RND2: variants seen among roughly 807,000 people sequenced by gnomAD.
The protein encoded by RND2 is rho-related GTP-binding protein RhoN.
Under a neutral mutation model 25.9 loss-of-function variants are expected in RND2, and 16 were observed. The ratio of observed to expected loss-of-function variants is 0.62; its 90% CI spans 0.42 to 0.94. The LOEUF (loss-of-function observed/expected upper bound fraction) is 0.94, where lower values mean the gene tolerates loss of function less well. Ranked by LOEUF, RND2 falls within the 40% of genes least tolerant of loss-of-function variation. The pLI, the probability that RND2 is intolerant of heterozygous loss-of-function variation, is 0.00. For synonymous variants in RND2, 97 were observed against 118.1 expected, an observed-to-expected ratio of 0.82 and a Z score of 1.16; for missense variants, 276 against 305.5, an observed-to-expected ratio of 0.90 and a Z score of 0.72.
At chr17:43,025,845 C>A in intron 1 of RND2, 115 bp from the exon 2 acceptor site, 2 of 492,546 alleles carry the variant, frequency 4.1e-6, no homozygotes, top group Non-Finnish European at 7.2e-6. Flanking sequence ...TTGCCCAATC[C>A]CAGACCAACT....
chr17:43,028,967 T>G lies in RND2; in HGVS notation c.*287T>G. The stretch of plus-strand genomic sequence containing the variant: ...GGAAGCTGGTATCAAATGGTGACCT[T>G]GGTGGAGTCTCCTATGTGAAGAGTA... On this transcript the variant is annotated 3_prime_UTR_variant, in exon 5 of 5. Coordinates refer to ENST00000587250, the MANE Select transcript of RND2 (RefSeq NM_005440.5). 2.2e-6 allele frequency: 1 copy of G among 449,470 alleles called. No homozygotes were observed. The highest frequency in any genetic ancestry group is 4.1e-6 in the Non-Finnish European group (1 of 242,944). 27.8% of individuals were successfully genotyped at this position (449,470 alleles called of 1,614,324 possible). A position where few individuals can be genotyped will look rare whatever the true frequency, so the allele number is the denominator to read the frequency against.
Position 43,026,034 on chromosome 17 carries a change from G to A in RND2, c.177G>A (p.Met59Ile). 1 of 1,609,792 alleles carries A rather than the reference G, an allele frequency of 6.2e-7. No individual in the cohort carries two copies. Among genetic ancestry groups the A allele is most frequent in the South Asian group, 1.1e-5 (1 of 91,028 alleles). Residue 59 changes from methionine (M) to isoleucine (I), a missense_variant, in exon 2 of 5, where the codon ATG becomes ATA. By Grantham distance (10) the Met-to-Ile change is conservative. Transcript: ENST00000587250. ...ACAAGCGCCGCATTGAGCTCAACAT[G>A]TGGGACACTTCAGGTAGCCAAGTCC... ...EIDKRRIELN[M>I]WDTSGSSYYD...
rs1054789719 is a variant in RND2, at chr17:43,031,774, A to C, written c.*3094A>C. On this transcript the variant is annotated 3_prime_UTR_variant, in exon 5 of 5. Transcript: ENST00000587250. ...GAATGGATTTTTGGTCCCTTTCTGC[A>C]GGTCTGGGTTGCCAGACGTTTTATT... 3.3e-5 allele frequency: 5 copies of C among 152,192 alleles called. No individual in the cohort carries two copies. Among genetic ancestry groups the C allele is most frequent in the African/African-American group, 1.2e-4 (5 of 41,452 alleles). The allele number at this position is 152,192 out of a possible 1,614,324, so 9.4% of individuals were successfully genotyped here.
At position 43,027,213 on chromosome 17, in the gene RND2, T is replaced by A. The variant is rs779190989; in HGVS notation, c.221T>A (p.Leu74Gln). Residue 74 changes from leucine (L) to glutamine (Q), a missense_variant, in exon 3 of 5, where the codon CTG becomes CAG. Transcript: ENST00000587250. ...TCTTACTATGATAATGTCCGGCCTC[T>A]GGCCTATCCTGATTCTGATGCTGTG... ...GSSYYDNVRP[L>Q]AYPDSDAVLI... is the part of the protein sequence containing the mutation. 1.1e-5 allele frequency: 17 copies of A among 1,609,868 alleles called. No homozygotes were observed. The African/African-American group carries it at 2.0e-4, about 19-fold the overall frequency.
Position 43,031,806 on chromosome 17 carries a change from G to C in RND2, c.*3126G>C, listed in dbSNP as rs967375104. On this transcript the variant is annotated 3_prime_UTR_variant, in exon 5 of 5. Transcript: ENST00000587250. The stretch of plus-strand genomic sequence containing the variant: ...GGTTGCCAGACGTTTTATTTCTGGG[G>C]AGGAGGGCTCTGGGCTGAGGAGCTC... 6.6e-6 allele frequency: 1 copy of C among 152,144 alleles called. No homozygotes were observed. The highest frequency in any genetic ancestry group is 1.5e-5 in the Non-Finnish European group (1 of 68,084). 9.4% of individuals were successfully genotyped at this position (152,144 alleles called of 1,614,324 possible).
chr17:43,030,345 C>A lies in RND2; in HGVS notation c.*1665C>A, dbSNP rs1330474335. 6.5e-6 allele frequency: 1 copy of A among 152,796 alleles called. No individual in the cohort carries two copies. The highest frequency in any genetic ancestry group is 1.5e-5 in the Non-Finnish European group (1 of 68,138). 9.5% of individuals were successfully genotyped at this position (152,796 alleles called of 1,614,324 possible). On this transcript the variant is annotated 3_prime_UTR_variant, in exon 5 of 5. Transcript: ENST00000587250. The stretch of plus-strand genomic sequence containing the variant: ...CACTGGAAGAGAACACTGACCTTAC[C>A]CAACTATCTGCTGGGATCCCACCCA...
Position 43,031,259 on chromosome 17 carries a change from C to T in RND2, c.*2579C>T, listed in dbSNP as rs2050670200. 6.6e-6 allele frequency: 1 copy of T among 152,214 alleles called. No individual in the cohort carries two copies. The highest frequency in any genetic ancestry group is 1.5e-5 in the Non-Finnish European group (1 of 68,030). 9.4% of individuals were successfully genotyped at this position (152,214 alleles called of 1,614,324 possible). A position where few individuals can be genotyped will look rare whatever the true frequency, so the allele number is the denominator to read the frequency against. ...CCCTATCCCAACCTCTCCTATGGGA[C>T]TAGTTCATCTCAGCCAGTCTCAAAG... On this transcript the variant is annotated 3_prime_UTR_variant, in exon 5 of 5. Transcript: ENST00000587250.
At chr17:43,026,180 C>T (rs2151974102) in intron 2 of RND2, 133 bp downstream of exon 2, 1 of 589,028 alleles carries the variant, frequency 1.7e-6, no homozygotes, top group East Asian at 2.8e-5. Context: ...AATCAATATT[C>T]TGCTAAAATC....
intron 1 of RND2, 107 bp downstream of exon 1, chr17:43,025,556 G>C (rs563493875): frequency 2.8e-6 from 4 of 1,441,752 alleles, no homozygotes; most frequent in African/African-American, 1.4e-5. Flanking sequence ...AGGGACAAGA[G>C]ACAGGGGGTC....
rs201422969 is a variant in RND2 at position 43,025,916 on chromosome 17, G to A, written c.103-44G>A. 3,424 of 1,460,232 alleles carry A rather than the reference G, an allele frequency of 2.3e-3. 3 individuals are homozygous for A. The highest frequency in any genetic ancestry group is 3.0e-3 in the Non-Finnish European group (3,096 of 1,043,058). 90.5% of individuals were successfully genotyped at this position (1,460,232 alleles called of 1,614,324 possible). On this transcript the variant is annotated intron_variant, in intron 1 of 4. Transcript: ENST00000587250. ...TGAGGAGGGCATTTATCTGGGGTGA[G>A]GACTTGGAGAGATGATCTCATCTGG...
chr17:43,027,494 A>G (rs2050633081), intron 3 of RND2, among the ~76,000 whole-genome samples: 1 of 152,118 alleles, frequency 6.6e-6, no homozygotes, highest in Admixed American at 6.5e-5. Flanking sequence ...TCAGAGCTGG[A>G]TACAGCAGCT....
Position 43,026,020 on chromosome 17 carries a change from A to AT in RND2, c.165dup (p.Glu56Ter). On this transcript the variant is annotated frameshift_variant, in exon 2 of 5. Transcript: ENST00000587250. LOFTEE classifies it high-confidence loss of function. ...GAGCTTTGAGATCGACAAGCGCCGC[A>AT]TTGAGCTCAACATGTGGGACACTTC... is the stretch of plus-strand genomic sequence containing the variant. 1 of 1,612,798 alleles carries AT rather than the reference A, an allele frequency of 6.2e-7. No individual in the cohort carries two copies. The highest frequency in any genetic ancestry group is 8.5e-7 in the Non-Finnish European group (1 of 1,179,032).
rs1261009683 is a variant in RND2 at position 43,028,897 on chromosome 17, G to A, written c.*217G>A. On this transcript the variant is annotated 3_prime_UTR_variant, in exon 5 of 5. Coordinates refer to ENST00000587250, the MANE Select transcript of RND2 (RefSeq NM_005440.5). ...AGTGGATGTTGAGGGAGCTAACAGG[G>A]CTGGCATCTGGGGCATGAACTGGGA... 7.3e-6 allele frequency: 5 copies of A among 680,852 alleles called. No individual in the cohort carries two copies. The East Asian group carries it at 1.2e-4, about 16-fold the overall frequency. The allele number at this position is 680,852 out of a possible 1,614,324, so 42.2% of individuals were successfully genotyped here. A position where few individuals can be genotyped will look rare whatever the true frequency, so the allele number is the denominator to read the frequency against.
chr17:43,028,057 A>T lies in RND2; in HGVS notation c.301-4A>T, dbSNP rs995600291. 1 of 1,612,944 alleles carries T rather than the reference A, an allele frequency of 6.2e-7. No homozygotes were observed. Among genetic ancestry groups the T allele is most frequent in the East Asian group, 2.2e-5 (1 of 44,822 alleles). On this transcript the variant is annotated splice_polypyrimidine_tract_variant and splice_region_variant and intron_variant, in intron 3 of 4. Transcript: ENST00000587250. Reference sequence around the variant, plus strand: ...CCACAATTCTCTTTTCTTCTCCTACATAGTGGCAAGGAGAGACTCAAGAGT... The same window carrying T: ...CCACAATTCTCTTTTCTTCTCCTACTTAGTGGCAAGGAGAGACTCAAGAGT...
Position 43,025,278 on chromosome 17 carries a change from C to G in RND2, c.-70C>G. On this transcript the variant is annotated 5_prime_UTR_variant, in exon 1 of 5. Coordinates refer to ENST00000587250, the MANE Select transcript of RND2 (RefSeq NM_005440.5). ...TTGGCGGCCCGAGCGGCTGCAGTTGCAGGGGCGGGGGAGGCGGCGGCGGGG... is the reference window on the plus strand; with the variant it reads ...TTGGCGGCCCGAGCGGCTGCAGTTGGAGGGGCGGGGGAGGCGGCGGCGGGG... 1 of 1,336,154 alleles carries G rather than the reference C, an allele frequency of 7.5e-7. No homozygotes were observed. Among genetic ancestry groups the G allele is most frequent in the Non-Finnish European group, 9.8e-7 (1 of 1,023,810 alleles). 82.8% of individuals were successfully genotyped at this position (1,336,154 alleles called of 1,614,324 possible).
In RND2 at chr17:43,027,261, G is replaced by T. The variant is rs61756315; in HGVS notation, c.269G>T (p.Arg90Leu). ...GTGCTCATCTGCTTCGACATTAGCC[G>T]ACCAGAAACACTGGACAGTGTTCTC... Reference protein sequence around the residue: ...DAVLICFDISRPETLDSVLKK... With the variant: ...DAVLICFDISLPETLDSVLKK... Residue 90 changes from arginine to leucine, a missense_variant, in exon 3 of 5, where the codon CGA becomes CTA. Coordinates refer to ENST00000587250, the MANE Select transcript of RND2 (RefSeq NM_005440.5). The T allele has an allele frequency of 1.9e-6, 3 of 1,612,502 alleles. No homozygotes were observed. The highest frequency in any genetic ancestry group is 1.1e-5 in the South Asian group (1 of 90,826).
In RND2 at chr17:43,031,757, T is replaced by A. The variant is rs1003324077; in HGVS notation, c.*3077T>A. On this transcript the variant is annotated 3_prime_UTR_variant, in exon 5 of 5. Transcript: ENST00000587250. ...ATTTTCAATACCACCAGGAATGGAT[T>A]TTTGGTCCCTTTCTGCAGGTCTGGG... 1.3e-5 allele frequency: 2 copies of A among 152,068 alleles called. No individual in the cohort carries two copies. The highest frequency in any genetic ancestry group is 4.8e-5 in the African/African-American group (2 of 41,392). The allele number at this position is 152,068 out of a possible 1,614,324, so 9.4% of individuals were successfully genotyped here.
chr17:43,029,356 G>A lies in RND2; in HGVS notation c.*676G>A, dbSNP rs1024965251. On this transcript the variant is annotated 3_prime_UTR_variant, in exon 5 of 5. Coordinates refer to ENST00000587250, the MANE Select transcript of RND2 (RefSeq NM_005440.5). ...GTCCACAGATAGAGCAGAGGACAAA[G>A]CCATAGGTTGGATCAGAAGTGTCCT... 5 of 153,552 alleles carry A rather than the reference G, an allele frequency of 3.3e-5. No individual in the cohort carries two copies. The highest frequency in any genetic ancestry group is 1.2e-4 in the African/African-American group (5 of 41,472). The allele number at this position is 153,552 out of a possible 1,614,324, so 9.5% of individuals were successfully genotyped here.
chr17:43,025,809 GGGCAGGA>G, intron 1 of RND2, 144 bp from the exon 2 acceptor site: 1 of 146,604 alleles, frequency 6.8e-6, no homozygotes, highest in Non-Finnish European at 1.3e-5. Context: ...GGGGGGGGGG[GGGCAGGA>G]GCTCCCGGGA....
Sources: gnomAD v4.1 joint callset for allele counts (sites outside exome capture counted in the v4.1 genomes callset) on GRCh38, gnomAD v4.1.1 for gene constraint, MANE v1.5 for transcripts, NCBI Gene and HGNC (gene_info 2026-07-23, HGNC 2026-07-21) for gene names.